LNP1: variants seen among roughly 807,000 people sequenced by gnomAD.
LNP1 encodes the protein leukemia NUP98 fusion partner 1.
A neutral mutation model predicts 14.5 loss-of-function variants in LNP1; 12 were observed. The ratio of observed to expected loss-of-function variants is 0.83; its 90% CI spans 0.53 to 1.34. LNP1 has a LOEUF of 1.34. Ranked by LOEUF, LNP1 falls within the 40% of genes most tolerant of loss-of-function variation. LNP1 has a pLI of 0.00. For missense variants in LNP1, 198 were observed against 210.9 expected (o/e 0.94, Z 0.38); for synonymous variants, 75 against 71.4 (o/e 1.05, Z -0.26).
intron 1 of LNP1, among the ~76,000 whole-genome samples, chr3:100,407,741 T>G (rs2148898336): frequency 6.6e-6 from 1 of 152,348 alleles, no homozygotes; most frequent in African/African-American, 2.4e-5. Context: ...TTTGCTCTTT[T>G]GATACTATCC....
intron 2 of LNP1, among the ~76,000 whole-genome samples, chr3:100,432,649 A>G (rs968043371): frequency 1.3e-5 from 2 of 152,238 alleles, no homozygotes; most frequent in Admixed American, 6.5e-5. Context: ...GTGAAAAAAC[A>G]TAATATGAAG....
chr3:100,445,574 T>C (rs1576236095), intron 2 of LNP1, among the ~76,000 whole-genome samples: 1 of 152,184 alleles, frequency 6.6e-6, no homozygotes, highest in Non-Finnish European at 1.5e-5. Context: ...AGATACACGA[T>C]GTAAGAACCT....
At chr3:100,439,175 G>T (rs1461513768) in intron 2 of LNP1, among the ~76,000 whole-genome samples, 1 of 151,328 alleles carries the variant, frequency 6.6e-6, no homozygotes, top group African/African-American at 2.4e-5. Flanking sequence ...AAGGACATTT[G>T]TACAAACATC....
intron 1 of LNP1, among the ~76,000 whole-genome samples, chr3:100,410,282 T>A (rs55699261): frequency 0.11 from 16,020 of 152,180 alleles, 1,242 homozygotes; most frequent in African/African-American, 0.21. Context: ...TTCCATTTTC[T>A]TAGAGAATAC....
intron 2 of LNP1, among the ~76,000 whole-genome samples, chr3:100,440,457 A>G (rs1013412025): frequency 1.9e-4 from 29 of 152,120 alleles, no homozygotes; most frequent in African/African-American, 6.5e-4. Flanking sequence ...GGCTGCACAC[A>G]TTTTTAATCC....
chr3:100,428,395 G>C (rs1707213646), intron 1 of LNP1, among the ~76,000 whole-genome samples: 1 of 152,026 alleles, frequency 6.6e-6, no homozygotes, highest in Admixed American at 6.5e-5. Flanking sequence ...AGCTGGGCTT[G>C]GTGGTGGGTG....
chr3:100,413,833 C>T (rs923160223), intron 1 of LNP1, among the ~76,000 whole-genome samples: 1 of 152,160 alleles, frequency 6.6e-6, no homozygotes, highest in Non-Finnish European at 1.5e-5. Flanking sequence ...GTAGAGTATT[C>T]ACTCATAAAA....
At chr3:100,441,808 GC>G (rs1707346231) in intron 2 of LNP1, among the ~76,000 whole-genome samples, 1 of 151,834 alleles carries the variant, frequency 6.6e-6, no homozygotes, top group Admixed American at 6.6e-5. Flanking sequence ...GATTACAGGT[GC>G]CTGCCACCAT....
chr3:100,409,605 TA>T (rs1365397329), intron 1 of LNP1, among the ~76,000 whole-genome samples: 1,062 of 93,148 alleles, frequency 0.011, 8 homozygotes, highest in East Asian at 0.032. Context: ...TATATATATA[TA>T]TTTTTTTTTT....
At chr3:100,418,226 ATT>A (rs774975365) in intron 1 of LNP1, among the ~76,000 whole-genome samples, 8 of 139,624 alleles carry the variant, frequency 5.7e-5, no homozygotes, top group Admixed American at 7.2e-5. Context: ...CACCCGGCTA[ATT>A]TTTTTTTTTT....
intron 1 of LNP1, among the ~76,000 whole-genome samples, chr3:100,409,844 C>G (rs56956506): frequency 0.068 from 10,336 of 151,506 alleles, 434 homozygotes; most frequent in East Asian, 0.17. Context: ...ATCTACCCAC[C>G]GCAGCCTCCC....
intron 1 of LNP1, among the ~76,000 whole-genome samples, chr3:100,408,559 T>C (rs1706994528): frequency 6.6e-6 from 1 of 152,198 alleles, no homozygotes; most frequent in South Asian, 2.1e-4. Flanking sequence ...AAGACCACTG[T>C]AGTTGGCTGA....
chr3:100,445,884 A>T (rs959768710), intron 2 of LNP1, among the ~76,000 whole-genome samples: 1 of 152,306 alleles, frequency 6.6e-6, no homozygotes. Flanking sequence ...TAGGAATCCA[A>T]CTTACAAGGG....
At chr3:100,421,544 T>G (rs1216109830) in intron 1 of LNP1, among the ~76,000 whole-genome samples, 1 of 152,210 alleles carries the variant, frequency 6.6e-6, no homozygotes, top group Admixed American at 6.5e-5. Context: ...GATGATTGCA[T>G]AGAATTCTGT....
At chr3:100,413,687 G>C (rs1456397956) in intron 1 of LNP1, among the ~76,000 whole-genome samples, 1 of 152,220 alleles carries the variant, frequency 6.6e-6, no homozygotes, top group African/African-American at 2.4e-5. Context: ...AAGAATGCTG[G>C]GGCGAGTGGG....
At chr3:100,412,202 G>A (rs1001256122) in intron 1 of LNP1, among the ~76,000 whole-genome samples, 3 of 152,304 alleles carry the variant, frequency 2.0e-5, no homozygotes, top group Admixed American at 6.5e-5. Flanking sequence ...CAGACCAAAC[G>A]AGAAACCTTG....
intron 2 of LNP1, among the ~76,000 whole-genome samples, chr3:100,447,649 CCTTTCACAA>C (rs999382315): frequency 6.6e-6 from 1 of 152,002 alleles, no homozygotes; most frequent in Non-Finnish European, 1.5e-5. Context: ...CTTACACAGA[CCTTTCACAA>C]CATGCTTAGA....
At chr3:100,426,978 T>C (rs1244800601) in intron 1 of LNP1, among the ~76,000 whole-genome samples, 1 of 152,136 alleles carries the variant, frequency 6.6e-6, no homozygotes, top group East Asian at 1.9e-4. Context: ...TTTTTTTCAT[T>C]GCAGGTTTAC....
At chr3:100,402,901 G>C (rs762457040) in intron 1 of LNP1, among the ~76,000 whole-genome samples, 2 of 152,148 alleles carry the variant, frequency 1.3e-5, no homozygotes, top group Non-Finnish European at 2.9e-5. Flanking sequence ...TTATTTTCTT[G>C]AAACATTTTT....
Sources: gnomAD v4.1 joint callset for allele counts (sites outside exome capture counted in the v4.1 genomes callset) on GRCh38, gnomAD v4.1.1 for gene constraint, MANE v1.5 for transcripts, NCBI Gene and HGNC (gene_info 2026-07-23, HGNC 2026-07-21) for gene names.